CLSPN: variants seen among roughly 807,000 people sequenced by gnomAD.
CLSPN encodes the protein claspin, also known as claspin homolog.
CLSPN carries 85 observed loss-of-function variants against 156.3 expected under a neutral mutation model. The ratio of observed to expected loss-of-function variants is 0.54; its 90% CI spans 0.46 to 0.65. The LOEUF is 0.65. Ranked by LOEUF, CLSPN falls within the 30% of genes least tolerant of loss-of-function variation. The probability of loss-of-function intolerance (pLI) is 0.00; values close to 1 mark genes in which losing one functional copy is unlikely to be tolerated. For synonymous variants in CLSPN, 534 were observed against 542.4 expected, an observed-to-expected ratio of 0.98 and a Z score of 0.22; for missense variants, 1,407 against 1,554.9, an observed-to-expected ratio of 0.90 and a Z score of 1.60.
intron 18 of CLSPN, 70 bp from the exon 19 acceptor site, chr1:35,739,599 A>G: frequency 1.7e-6 from 2 of 1,145,394 alleles, no homozygotes; most frequent in Non-Finnish European, 2.5e-6. Flanking sequence ...AGCAAAGAAA[A>G]GCAGAACAGA....
Position 35,737,076 on chromosome 1 carries a change from C to G in CLSPN, c.3748-1G>C. The G allele has an allele frequency of 6.2e-7, 1 of 1,612,950 alleles. No individual in the cohort carries two copies. Among genetic ancestry groups the G allele is most frequent in the East Asian group, 2.2e-5 (1 of 44,884 alleles). The stretch of plus-strand genomic sequence containing the variant: ...GGTTTAGCAGTGAGCCTGTCTTCAC[C>G]TGAGGAAAGAAGAGTCATCTGGTAT... On this transcript the variant is annotated splice_acceptor_variant, in intron 23 of 24. Coordinates refer to ENST00000318121, the MANE Select transcript of CLSPN (RefSeq NM_022111.4). LOFTEE classifies it high-confidence loss of function.
chr1:35,728,077 C>CTTTTTTTTTTTTTTTTTTTTTTTT (rs59275877), downstream of CLSPN, among the ~76,000 whole-genome samples: 1 of 103,982 alleles, frequency 9.6e-6, no homozygotes. Flanking sequence ...AAACCACAAG[C>CTTTTTTTTTTTTTTTTTTTTTTTT]TTTTTTTTTT....
chr1:35,745,334 GA>G, intron 16 of CLSPN, 116 bp downstream of exon 16: 2 of 701,864 alleles, frequency 2.8e-6, no homozygotes, highest in Non-Finnish European at 5.0e-6. Flanking sequence ...AGGCATATAT[GA>G]GACTCAAATC....
rs1277740971 is a variant in CLSPN at position 35,745,478 on chromosome 1, A to T, written c.2939T>A (p.Leu980His). The change falls in exon 16 of 25, where the codon CTT becomes CAT. Residue 980 changes from leucine (L) to histidine (H), a missense_variant. Leu to His is a moderately conservative substitution (Grantham distance 99, BLOSUM62 -3). This residue lies in a region of CLSPN where 1,096 missense variants were observed against 1,193.0 expected (regional missense o/e 0.92). Coordinates refer to ENST00000318121, the MANE Select transcript of CLSPN (RefSeq NM_022111.4). ...GTCTGTGGGAAAAGAGCCTGAGCAA[A>T]GAGCAAGTGCTTCTTCCATTGGATC... Reference protein sequence around the residue: ...MGDPMEEALALCSGSFPTDKE... With the variant: ...MGDPMEEALAHCSGSFPTDKE... The T allele has an allele frequency of 6.2e-7, 1 of 1,613,840 alleles. No homozygotes were observed. The highest frequency in any genetic ancestry group is 2.2e-5 in the East Asian group (1 of 44,880).
chr1:35,735,065 T>C lies in CLSPN; in HGVS notation c.*1431A>G, dbSNP rs141817844. 516 of 985,460 alleles carry C rather than the reference T, an allele frequency of 5.2e-4. 3 individuals are homozygous for C. In the African/African-American group the frequency reaches 8.4e-3, roughly 16 times the overall value. 61.0% of individuals were successfully genotyped at this position (985,460 alleles called of 1,614,324 possible). A position where few individuals can be genotyped will look rare whatever the true frequency, so the allele number is the denominator to read the frequency against. On this transcript the variant is annotated 3_prime_UTR_variant, in exon 25 of 25. Transcript: ENST00000318121. ...TCCATTGATTAGTGAGGGCAATGTA[T>C]GTAAGCCAGAAGAATGCAATAAATA... is the stretch of plus-strand genomic sequence containing the variant.
At chr1:35,724,058 C>T (rs1641128202) in intron 24 of CLSPN, among the ~76,000 whole-genome samples, 1 of 152,034 alleles carries the variant, frequency 6.6e-6, no homozygotes, top group African/African-American at 2.4e-5. Flanking sequence ...AGCCAGGAGG[C>T]AAAAGTAGTA....
Position 35,738,052 on chromosome 1 carries a change from C to A in CLSPN, c.3604G>T (p.Glu1202Ter). ...ITAEEEEEIG[E>*]DSQFMILAKK... Reference sequence around the variant, plus strand: ...GCCAGTATCATAAACTGACTGTCCTCCCCAATTTCTTCTTCTTCTTCAGCT... The same window carrying A: ...GCCAGTATCATAAACTGACTGTCCTACCCAATTTCTTCTTCTTCTTCAGCT... Residue 1202 changes from glutamate to a stop codon, truncating the protein, a stop_gained, in exon 22 of 25, where the codon GAG (glutamate) becomes TAG (stop). Transcript: ENST00000318121. LOFTEE classifies it high-confidence loss of function. 1 of 1,471,114 alleles carries A rather than the reference C, an allele frequency of 6.8e-7. No homozygotes were observed. The allele number at this position is 1,471,114 out of a possible 1,614,324, so 91.1% of individuals were successfully genotyped here.
Position 35,753,860 on chromosome 1 carries a change from A to G in CLSPN, c.1656T>C (p.Asn552=). ...CCATGTCTTTCACTATGACGTTCAC[A>G]TTCACTGTCTGACCAGCCCTGGGTT... ...AAKPRAGQTV[N]VNVIVKDMGT... Residue 552 remains asparagine (N), a synonymous_variant, in exon 9 of 25, where the codon AAT becomes AAC. Coordinates refer to ENST00000318121, the MANE Select transcript of CLSPN (RefSeq NM_022111.4). 1 of 1,614,182 alleles carries G rather than the reference A, an allele frequency of 6.2e-7. No homozygotes were observed. Among genetic ancestry groups the G allele is most frequent in the South Asian group, 1.1e-5 (1 of 91,088 alleles).
At chr1:35,745,804 T>A (rs1198142137) in intron 15 of CLSPN, among the ~76,000 whole-genome samples, 1 of 152,234 alleles carries the variant, frequency 6.6e-6, no homozygotes. Context: ...ATGTTCGATC[T>A]AGCAGTTGTG....
At chr1:35,748,114 AT>A in intron 13 of CLSPN, 53 bp from the exon 14 acceptor site, 1 of 1,562,348 alleles carries the variant, frequency 6.4e-7, no homozygotes, top group Non-Finnish European at 8.7e-7. Flanking sequence ...AATGTCAGTC[AT>A]TGTCATGACA....
In CLSPN at chr1:35,753,807, G is replaced by C; in HGVS notation, c.1709C>G (p.Ala570Gly). 6.2e-7 allele frequency: 1 copy of C among 1,614,188 alleles called. No homozygotes were observed. Among genetic ancestry groups the C allele is most frequent in the Non-Finnish European group, 8.5e-7 (1 of 1,180,030 alleles). ...TGCTAAAGTCACAGGTACCACATCT[G>C]CTTTTAGCTCTTCCTTTCCATCAGT... ...MGTDGKEELK[A>G]DVVPVTLAPK... is the part of the protein sequence containing the mutation. The change falls in exon 9 of 25, where the codon GCA (alanine) becomes GGA (glycine). Residue 570 changes from alanine to glycine, a missense_variant. Physicochemically the swap from Ala to Gly is moderately conservative, Grantham distance 60. Coordinates refer to ENST00000318121, the MANE Select transcript of CLSPN (RefSeq NM_022111.4).
downstream of CLSPN, among the ~76,000 whole-genome samples, chr1:35,729,915 G>A (rs1174914687): frequency 6.6e-6 from 1 of 152,052 alleles, no homozygotes; most frequent in Non-Finnish European, 1.5e-5. Context: ...TCCAGTTGAG[G>A]AAAAAAGAGA....
chr1:35,748,754 T>C, intron 12 of CLSPN, 150 bp from the exon 13 acceptor site: 1 of 655,706 alleles, frequency 1.5e-6, no homozygotes, highest in Non-Finnish European at 2.7e-6. Context: ...AAAGGTAAAT[T>C]ACAGTACTAA....
downstream of CLSPN, among the ~76,000 whole-genome samples, chr1:35,728,918 TCAAACACACACA>T (rs1557493546): frequency 1.9e-5 from 1 of 53,120 alleles, no homozygotes; most frequent in Admixed American, 2.5e-4. Flanking sequence ...CACCCTCCCC[TCAAACACACACA>T]CACACACACA....
At chr1:35,750,012 T>C (rs1308035361) in intron 10 of CLSPN, among the ~76,000 whole-genome samples, 1 of 151,748 alleles carries the variant, frequency 6.6e-6, no homozygotes, top group Non-Finnish European at 1.5e-5. Context: ...TTTTTTTTTT[T>C]ACCTTCTACC....
Position 35,734,929 on chromosome 1 carries a change from A to C in CLSPN, c.*1567T>G, listed in dbSNP as rs543374930. ...AAAACATTTGTCTAAAATTCTGAGA[A>C]GCTTGTGGTAGTTCAGGGAAAATGG... On this transcript the variant is annotated 3_prime_UTR_variant, in exon 25 of 25. Coordinates refer to ENST00000318121, the MANE Select transcript of CLSPN (RefSeq NM_022111.4). 24 of 985,442 alleles carry C rather than the reference A, an allele frequency of 2.4e-5. No homozygotes were observed. The highest frequency in any genetic ancestry group is 2.9e-5 in the Non-Finnish European group (24 of 829,928). The allele number at this position is 985,442 out of a possible 1,614,324, so 61.0% of individuals were successfully genotyped here.
rs747776943 is a variant in CLSPN at position 35,738,992 on chromosome 1, G to A, written c.3430+144C>T. The A allele has an allele frequency of 1.4e-4, 122 of 900,060 alleles. 1 individual carries two copies. The highest frequency in any genetic ancestry group is 1.9e-4 in the Non-Finnish European group (112 of 600,906). The allele number at this position is 900,060 out of a possible 1,614,324, so 55.8% of individuals were successfully genotyped here. A position where few individuals can be genotyped will look rare whatever the true frequency, so the allele number is the denominator to read the frequency against. ...ATTTTTGAACTTTTAGTAGGGACGG[G>A]GTTTCACCATGTTGTTCAGGCTGGT... On this transcript the variant is annotated intron_variant, in intron 20 of 24. Coordinates refer to ENST00000318121, the MANE Select transcript of CLSPN (RefSeq NM_022111.4).
chr1:35,735,023 A>G lies in CLSPN; in HGVS notation c.*1473T>C. The stretch of plus-strand genomic sequence containing the variant: ...ATGGTGGCCTTCTCTCAAAATTAGT[A>G]ATGAAATGCTGAAATGTCCATTGAT... On this transcript the variant is annotated 3_prime_UTR_variant, in exon 25 of 25. Coordinates refer to ENST00000318121, the MANE Select transcript of CLSPN (RefSeq NM_022111.4). 1 of 985,414 alleles carries G rather than the reference A, an allele frequency of 1.0e-6. No individual in the cohort carries two copies. Among genetic ancestry groups the G allele is most frequent in the Non-Finnish European group, 1.2e-6 (1 of 829,904 alleles). The allele number at this position is 985,414 out of a possible 1,614,324, so 61.0% of individuals were successfully genotyped here.
chr1:35,755,180 C>CA (rs1283856922), intron 8 of CLSPN, among the ~76,000 whole-genome samples: 1 of 151,980 alleles, frequency 6.6e-6, no homozygotes, highest in Non-Finnish European at 1.5e-5. Flanking sequence ...ACTGTAGCCT[C>CA]AATCTCCCCA....
Sources: gnomAD v4.1 joint callset for allele counts (sites outside exome capture counted in the v4.1 genomes callset) on GRCh38, gnomAD v4.1.1 for gene constraint, gnomAD v4.1.1 regional missense constraint, MANE v1.5 for transcripts, NCBI Gene and HGNC (gene_info 2026-07-23, HGNC 2026-07-21) for gene names.